The following RNF214 variants were observed in gnomAD, a reference collection of about 807,000 sequenced individuals.
RNF214 encodes the protein ring finger protein 214.
In RNF214, 25 loss-of-function variants were observed where a neutral mutation model predicts 75.9. That is an observed-to-expected ratio of 0.33 (90% confidence interval 0.24 to 0.46). The LOEUF (loss-of-function observed/expected upper bound fraction) is 0.46, where lower values mean the gene tolerates loss of function less well. Among genes scored for constraint, RNF214 ranks in the 20% least tolerant of loss-of-function variants. RNF214 has a pLI of 1.00. For synonymous variants in RNF214, 314 were observed against 308.8 expected, an observed-to-expected ratio of 1.02 and a Z score of -0.18; for missense variants, 725 against 857.5, an observed-to-expected ratio of 0.85 and a Z score of 1.93.
intron 6 of RNF214, among the ~76,000 whole-genome samples, chr11:117,250,727 A>C (rs1184576631): frequency 7.0e-6 from 1 of 143,520 alleles, no homozygotes; most frequent in Non-Finnish European, 1.5e-5. Context: ...AAGTGAACAA[A>C]GGTCTCTGGT....
At chr11:117,248,104 C>T (rs2033275510) in intron 6 of RNF214, among the ~76,000 whole-genome samples, 1 of 152,040 alleles carries the variant, frequency 6.6e-6, no homozygotes, top group African/African-American at 2.4e-5. Flanking sequence ...GAGACGGAGT[C>T]TTGCTCTGTT....
At chr11:117,274,406 A>C (rs1467104915) in intron 6 of RNF214, among the ~76,000 whole-genome samples, 4 of 114,444 alleles carry the variant, frequency 3.5e-5, no homozygotes, top group Non-Finnish European at 6.5e-5. Context: ...CTTGTTGCCC[A>C]GGCTGGAGTG....
chr11:117,274,846 A>AT (rs769441349), intron 6 of RNF214, among the ~76,000 whole-genome samples: 2,207 of 144,612 alleles, frequency 0.015, 28 homozygotes, highest in Non-Finnish European at 0.024. Flanking sequence ...ATTTTTGTAA[A>AT]TTTTTTTTTT....
At chr11:117,245,834 C>T (rs2033211223) in intron 5 of RNF214, among the ~76,000 whole-genome samples, 1 of 152,078 alleles carries the variant, frequency 6.6e-6, no homozygotes, top group Non-Finnish European at 1.5e-5. Context: ...GAAATGCATA[C>T]CTAAGTATAC....
intron 6 of RNF214, among the ~76,000 whole-genome samples, chr11:117,263,222 C>G (rs1290269852): frequency 4.0e-5 from 6 of 151,848 alleles, no homozygotes; most frequent in African/African-American, 7.3e-5. Context: ...AATGGTTTCC[C>G]TAAGTTCTTT....
At chr11:117,275,945 T>C (rs774043365) in intron 6 of RNF214, among the ~76,000 whole-genome samples, 2 of 152,100 alleles carry the variant, frequency 1.3e-5, no homozygotes, top group African/African-American at 2.4e-5. Context: ...AAAAGAAAAC[T>C]GCAGACCAGT....
At chr11:117,281,504 C>T in intron 9 of RNF214, 96 bp from the exon 10 acceptor site, 3 of 1,372,498 alleles carry the variant, frequency 2.2e-6, no homozygotes, top group Non-Finnish European at 3.1e-6. Context: ...TGGGGCCTAT[C>T]CTACTATTCC....
chr11:117,283,298 T>C, intron 14 of RNF214, 88 bp downstream of exon 14: 2 of 843,222 alleles, frequency 2.4e-6, no homozygotes, highest in East Asian at 2.5e-5. Flanking sequence ...CTCTTTTTTT[T>C]CCCTGACAGC....
rs1156462307 is a variant in RNF214 at position 117,244,584 on chromosome 11, A to G, written c.818A>G (p.Gln273Arg). The G allele has an allele frequency of 6.2e-7, 1 of 1,602,420 alleles. No homozygotes were observed. Among genetic ancestry groups the G allele is most frequent in the Non-Finnish European group, 8.5e-7 (1 of 1,175,600 alleles). ...AGAGAAGAGGAAATGAAGAATCACC[A>G]GGTATTTTGCTTATATTGAAATTGT... The part of the protein sequence containing the change: ...QRREEEMKNH[Q>R]EILKAIQDVT... The change falls in exon 5 of 15, where the codon CAG becomes CGG. Residue 273 changes from glutamine to arginine, a missense_variant and splice_region_variant. By Grantham distance (43) the Gln-to-Arg change is conservative. Transcript: ENST00000300650.
chr11:117,282,088 T>G lies in RNF214; in HGVS notation c.1530T>G (p.Asn510Lys). The G allele has an allele frequency of 1.2e-6, 2 of 1,613,968 alleles. No homozygotes were observed. Among genetic ancestry groups the G allele is most frequent in the Non-Finnish European group, 8.5e-7 (1 of 1,179,978 alleles). The stretch of plus-strand genomic sequence containing the variant: ...CCCTTCCTGGCTCCCATGGCAGAAA[T>G]AGCCCTGGCTTGGGTTCCCTTGTCA... ...SSPLPGSHGRNSPGLGSLVSP... is the reference protein window; with the variant it reads ...SSPLPGSHGRKSPGLGSLVSP... The change falls in exon 11 of 15, where the codon AAT becomes AAG. Residue 510 changes from asparagine (N) to lysine (K), a missense_variant. Asn to Lys is a moderately conservative substitution (Grantham distance 94). Coordinates refer to ENST00000300650, the MANE Select transcript of RNF214 (RefSeq NM_207343.4).
chr11:117,259,015 G>T (rs1477871977), intron 6 of RNF214, among the ~76,000 whole-genome samples: 1 of 152,082 alleles, frequency 6.6e-6, no homozygotes, highest in African/African-American at 2.4e-5. Context: ...GGAGTGCAGT[G>T]ACATGATCTT....
rs1439242667 is a variant in RNF214 at position 117,232,711 on chromosome 11, C to G, written c.-22C>G. The G allele has an allele frequency of 2.0e-5, 3 of 150,992 alleles. No homozygotes were observed. Among genetic ancestry groups the G allele is most frequent in the South Asian group, 2.1e-4 (1 of 4,822 alleles). 9.4% of individuals were successfully genotyped at this position (150,992 alleles called of 1,614,324 possible). The stretch of plus-strand genomic sequence containing the variant: ...CCGTGGCTCGGCCGCCCCCTCCCCC[C>G]GCTCCGCCCGCTCAGGTGCGTCCCG... On this transcript the variant is annotated 5_prime_UTR_variant, in exon 1 of 15. Transcript: ENST00000300650.
chr11:117,253,852 TTTC>T (rs1213119988), intron 6 of RNF214, among the ~76,000 whole-genome samples: 2 of 152,130 alleles, frequency 1.3e-5, no homozygotes, highest in African/African-American at 4.8e-5. Flanking sequence ...AAGCAATATT[TTTC>T]TTCTTTAAAA....
At chr11:117,235,059 A>G (rs1209870164) in intron 2 of RNF214, among the ~76,000 whole-genome samples, 1 of 152,250 alleles carries the variant, frequency 6.6e-6, no homozygotes, top group Non-Finnish European at 1.5e-5. Flanking sequence ...TATTTACAAC[A>G]ACTAATACAA....
Position 117,238,587 on chromosome 11 carries a change from T to C in RNF214, c.108-14T>C. ...GTATTATATACTTTTCTTTTTATCTTGTGTGTTTGATAGCACCAAAGACTC... is the reference window on the plus strand; with the variant it reads ...GTATTATATACTTTTCTTTTTATCTCGTGTGTTTGATAGCACCAAAGACTC... On this transcript the variant is annotated splice_polypyrimidine_tract_variant and intron_variant, in intron 2 of 14. Transcript: ENST00000300650. The C allele has an allele frequency of 6.3e-7, 1 of 1,589,694 alleles. No homozygotes were observed. Among genetic ancestry groups the C allele is most frequent in the Non-Finnish European group, 8.6e-7 (1 of 1,169,000 alleles).
chr11:117,247,243 G>A (rs751116696), intron 6 of RNF214, among the ~76,000 whole-genome samples: 3 of 152,116 alleles, frequency 2.0e-5, no homozygotes, highest in African/African-American at 4.8e-5. Context: ...TAATCCCAGC[G>A]CTTTGGGACA....
chr11:117,233,125 T>A (rs2032769712), intron 1 of RNF214, among the ~76,000 whole-genome samples: 1 of 152,186 alleles, frequency 6.6e-6, no homozygotes, highest in African/African-American at 2.4e-5. Context: ...TTCTTTTTGG[T>A]ACACTCGACC....
chr11:117,276,153 T>A (rs1317601992), intron 6 of RNF214, among the ~76,000 whole-genome samples: 1 of 152,078 alleles, frequency 6.6e-6, no homozygotes, highest in African/African-American at 2.4e-5. Context: ...TTCAATAGAT[T>A]TAGAAAAAGC....
chr11:117,253,208 CAGTT>C (rs2033442871), intron 6 of RNF214, among the ~76,000 whole-genome samples: 1 of 152,156 alleles, frequency 6.6e-6, no homozygotes, highest in Non-Finnish European at 1.5e-5. Flanking sequence ...GACTGGATCT[CAGTT>C]TGTTGGCCAG....
Sources: allele counts gnomAD v4.1 joint callset (sites outside exome capture counted in the v4.1 genomes callset), GRCh38; gene constraint gnomAD v4.1.1; transcripts MANE v1.5; gene names NCBI Gene and HGNC (gene_info 2026-07-23, HGNC 2026-07-21).